UNC13C: variants seen among roughly 807,000 people sequenced by gnomAD.
UNC13C encodes the protein protein unc-13 homolog C.
UNC13C carries 174 observed loss-of-function variants against 245.4 expected under a neutral mutation model. That is an observed-to-expected ratio of 0.71 (90% CI 0.63 to 0.80). The LOEUF (loss-of-function observed/expected upper bound fraction) is 0.80. Among genes scored for constraint, UNC13C ranks in the 30% least tolerant of loss-of-function variants. The probability of loss-of-function intolerance (pLI) is 0.00; values close to 1 mark genes in which losing one functional copy is unlikely to be tolerated. For synonymous variants in UNC13C, 992 were observed against 895.1 expected (o/e 1.11, Z -1.93); for missense variants, 2,829 against 2,602.9 (o/e 1.09, Z -1.89).
At chr15:54,583,601 C>T (rs1002509986) in intron 30 of UNC13C, among the ~76,000 whole-genome samples, 22 of 152,146 alleles carry the variant, frequency 1.4e-4, no homozygotes. Flanking sequence ...TTTTTCTTCA[C>T]GTATAATAGA....
At chr15:53,931,120 C>T in the UNC13C span, among the ~76,000 whole-genome samples, 1 of 152,040 alleles carries the variant, frequency 6.6e-6, no homozygotes, top group African/African-American at 2.4e-5. Context: ...CCATCTCAGA[C>T]AGAAAGTTGT....
intron 4 of UNC13C, among the ~76,000 whole-genome samples, chr15:54,202,316 C>CCTA (rs1195207326): frequency 5.3e-5 from 8 of 151,872 alleles, no homozygotes; most frequent in African/African-American, 1.9e-4. Flanking sequence ...CTAGAAAAAA[C>CCTA]CATTGTAAGA....
chr15:54,089,057 G>A (rs912767754), intron 2 of UNC13C, among the ~76,000 whole-genome samples: 2 of 152,042 alleles, frequency 1.3e-5, no homozygotes, highest in Admixed American at 1.3e-4. Context: ...CATTCTTAGC[G>A]TCCCTTTTCC....
At chr15:53,907,453 T>C in the UNC13C span, among the ~76,000 whole-genome samples, 5 of 152,272 alleles carry the variant, frequency 3.3e-5, no homozygotes, top group South Asian at 1.0e-3. Flanking sequence ...ATAGAATAGA[T>C]GATGTATGAT....
intron 2 of UNC13C, among the ~76,000 whole-genome samples, chr15:54,077,376 CTTTTT>C (rs768240170): frequency 1.6e-5 from 1 of 62,698 alleles, no homozygotes; most frequent in East Asian, 4.9e-4. Context: ...CTTTTCTTTT[CTTTTT>C]TTTTTTTTTT....
intron 11 of UNC13C, among the ~76,000 whole-genome samples, chr15:54,296,907 C>G (rs1230325298): frequency 2.0e-5 from 3 of 152,232 alleles, no homozygotes; most frequent in South Asian, 4.1e-4. Context: ...AAAGCTATTG[C>G]TCAGTTTATA....
intron 26 of UNC13C, among the ~76,000 whole-genome samples, chr15:54,536,728 C>A (rs1596532579): frequency 6.6e-6 from 1 of 151,836 alleles, no homozygotes; most frequent in Admixed American, 6.6e-5. Context: ...AAATACAAAA[C>A]CCACATGATC....
At chr15:54,312,850 T>C (rs1288610258) in intron 13 of UNC13C, among the ~76,000 whole-genome samples, 1 of 151,846 alleles carries the variant, frequency 6.6e-6, no homozygotes. Context: ...GTTAGTGTTT[T>C]AGGAGTTTAT....
chr15:54,415,013 A>T lies in UNC13C; in HGVS notation c.4879A>T (p.Ser1627Cys). The stretch of plus-strand genomic sequence containing the variant: ...TCAAGAGCTGAACATGGGAAAAATA[A>T]GTGCCGAAATTATGTGGACTCTTTT... ...FPQELNMGKI[S>C]AEIMWTLFAL... The change falls in exon 19 of 33, where the codon AGT becomes TGT. Residue 1627 changes from serine to cysteine, a missense_variant. Transcript: ENST00000260323. 6.2e-7 allele frequency: 1 copy of T among 1,613,020 alleles called. No homozygotes were observed. The highest frequency in any genetic ancestry group is 8.5e-7 in the Non-Finnish European group (1 of 1,179,480).
chr15:54,286,106 C>T (rs1426146876), intron 10 of UNC13C, among the ~76,000 whole-genome samples: 1 of 152,136 alleles, frequency 6.6e-6, no homozygotes, highest in Non-Finnish European at 1.5e-5. Flanking sequence ...GTCTCGAACT[C>T]CTGACCTCAA....
chr15:54,393,049 G>C lies in UNC13C; in HGVS notation c.4715G>C (p.Ser1572Thr). 1.3e-6 allele frequency: 2 copies of C among 1,598,878 alleles called. No individual in the cohort carries two copies. Among genetic ancestry groups the C allele is most frequent in the South Asian group, 2.3e-5 (2 of 88,552 alleles). ...CATGTTGCGTGAACTTGTGAGCAGA[G>C]TAAGAAACAGGATATTCCTCGTGAA... ...HELYSQLTDP[S>T]KKQDIPREDQ... Residue 1572 changes from serine (S) to threonine (T), a missense_variant and splice_region_variant, in exon 18 of 33, where the codon AGT becomes ACT. Ser to Thr is a moderately conservative substitution (Grantham distance 58). Transcript: ENST00000260323.
intron 29 of UNC13C, among the ~76,000 whole-genome samples, chr15:54,556,961 G>A (rs1897117802): frequency 6.6e-6 from 1 of 151,874 alleles, no homozygotes; most frequent in African/African-American, 2.4e-5. Context: ...TTATTGATGG[G>A]GCCAGATGAT....
chr15:54,329,693 A>T (rs983126718), intron 14 of UNC13C, among the ~76,000 whole-genome samples: 1 of 152,022 alleles, frequency 6.6e-6, no homozygotes, highest in Non-Finnish European at 1.5e-5. Flanking sequence ...TGAAAATTCA[A>T]TCAGCAGCAT....
At chr15:54,619,757 G>A (rs750104064) in intron 30 of UNC13C, among the ~76,000 whole-genome samples, 27 of 152,046 alleles carry the variant, frequency 1.8e-4, no homozygotes, top group Non-Finnish European at 3.2e-4. Flanking sequence ...AATTGTCCAC[G>A]TAATGCACAT....
At chr15:54,517,942 G>T (rs1895052149) in intron 24 of UNC13C, among the ~76,000 whole-genome samples, 1 of 152,090 alleles carries the variant, frequency 6.6e-6, no homozygotes, top group Non-Finnish European at 1.5e-5. Flanking sequence ...ATAAATAGAG[G>T]TAAAAAGGGA....
At chr15:54,070,118 A>G (rs1374705395) in intron 2 of UNC13C, among the ~76,000 whole-genome samples, 1 of 152,232 alleles carries the variant, frequency 6.6e-6, no homozygotes, top group African/African-American at 2.4e-5. Context: ...ATTTTACCAC[A>G]ATGTCTCCCA....
the UNC13C span, among the ~76,000 whole-genome samples, chr15:53,873,403 C>T: frequency 2.0e-5 from 3 of 152,092 alleles, no homozygotes; most frequent in African/African-American, 7.2e-5. Flanking sequence ...CGCAAGATCG[C>T]TCAACTTGCC....
intron 19 of UNC13C, among the ~76,000 whole-genome samples, chr15:54,486,387 C>A (rs1394923933): frequency 1.4e-5 from 2 of 148,056 alleles, no homozygotes; most frequent in Admixed American, 6.8e-5. Context: ...TGCAGTGAGC[C>A]AAGATCACGC....
chr15:54,130,894 T>A (rs2031377252), intron 2 of UNC13C, among the ~76,000 whole-genome samples: 1 of 152,242 alleles, frequency 6.6e-6, no homozygotes, highest in Non-Finnish European at 1.5e-5. Flanking sequence ...GTACCTGGGT[T>A]TACCACTACT....
Sources: allele counts gnomAD v4.1 joint callset (sites outside exome capture counted in the v4.1 genomes callset), GRCh38; gene constraint gnomAD v4.1.1; transcripts MANE v1.5; gene names NCBI Gene and HGNC (gene_info 2026-07-23, HGNC 2026-07-21).